The following SLC25A48 variants were observed in gnomAD, a reference collection of about 807,000 sequenced individuals.
SLC25A48 encodes the protein CTC-321K16.1.
In SLC25A48, 29 loss-of-function variants were observed where a neutral mutation model predicts 32.2. The observed-to-expected ratio is 0.90, with a 90% confidence interval of 0.67 to 1.23. SLC25A48 has a LOEUF of 1.23. SLC25A48 is among the 50% of genes most tolerant of loss of function. The probability of loss-of-function intolerance (pLI) is 0.00; values close to 1 mark genes in which losing one functional copy is unlikely to be tolerated. For synonymous variants in SLC25A48, 164 were observed against 172.3 expected, an observed-to-expected ratio of 0.95 and a Z score of 0.38; for missense variants, 399 against 422.7, an observed-to-expected ratio of 0.94 and a Z score of 0.49.
chr5:135,838,035 G>A (rs1029669351), intron 1 of SLC25A48, among the ~76,000 whole-genome samples: 7 of 152,204 alleles, frequency 4.6e-5, no homozygotes, highest in African/African-American at 1.7e-4. Flanking sequence ...TTGTTGAATG[G>A]TTTTGACCAA....
intron 7 of SLC25A48, among the ~76,000 whole-genome samples, chr5:135,885,413 C>T (rs553873138): frequency 1.3e-5 from 2 of 152,166 alleles, no homozygotes; most frequent in Non-Finnish European, 2.9e-5. Flanking sequence ...GACACTCTTA[C>T]CCCCAGCATC....
Position 135,834,690 on chromosome 5 carries a change from C to A in SLC25A48, c.-158C>A. ...TTGGAGAGGTGAGCGCGGCAGCCCGCGCAGCCGGTGACTGGGGGACTGGGT... is the reference window on the plus strand; with the variant it reads ...TTGGAGAGGTGAGCGCGGCAGCCCGAGCAGCCGGTGACTGGGGGACTGGGT... On this transcript the variant is annotated 5_prime_UTR_variant, in exon 1 of 8. Coordinates refer to ENST00000681962, the MANE Select transcript of SLC25A48 (RefSeq NM_001349336.2). The A allele has an allele frequency of 1.3e-6, 1 of 785,906 alleles. No individual in the cohort carries two copies. Among genetic ancestry groups the A allele is most frequent in the Non-Finnish European group, 2.0e-6 (1 of 504,894 alleles). The allele number at this position is 785,906 out of a possible 1,614,324, so 48.7% of individuals were successfully genotyped here.
intron 2 of SLC25A48, among the ~76,000 whole-genome samples, chr5:135,844,719 C>T (rs1759274062): frequency 6.6e-6 from 1 of 152,208 alleles, no homozygotes; most frequent in Non-Finnish European, 1.5e-5. Context: ...CATCATGTGA[C>T]AATGTCCAGC....
At chr5:135,665,475 A>G (rs1161754494) in intron 3 of SLC25A48, among the ~76,000 whole-genome samples, 2 of 150,972 alleles carry the variant, frequency 1.3e-5, no homozygotes, top group African/African-American at 4.9e-5. Context: ...TATTTTTTGC[A>G]TTTGCTTTGG....
Position 135,600,751 on chromosome 5 carries a change from C to A in SLC25A48, c.-849+21154C>A, listed in dbSNP as rs865816479. On this transcript the variant is annotated intron_variant, in intron 1 of 10. Coordinates refer to the SLC25A48 transcript ENST00000646290. ...AGGCTGGAGTGCAGTGGTGCAATCT[C>A]GGCTCACTGCAACCTCCATCTGCTG... Among the ~76,000 whole-genome samples the A allele has an allele frequency of 2.0e-5, 3 of 151,972 alleles. No individual in the cohort carries two copies. The East Asian group carries it at 5.8e-4, about 29-fold the overall frequency.
chr5:135,784,936 A>G (rs1756798247), intron 3 of SLC25A48, among the ~76,000 whole-genome samples: 1 of 79,878 alleles, frequency 1.3e-5, no homozygotes, highest in African/African-American at 3.1e-5. Context: ...ATGTGACATT[A>G]TTTCTAAAAT....
chr5:135,592,696 C>A (rs887825073), intron 1 of SLC25A48, among the ~76,000 whole-genome samples: 1 of 152,016 alleles, frequency 6.6e-6, no homozygotes, highest in Non-Finnish European at 1.5e-5. Flanking sequence ...TGAGAGAGAG[C>A]ACCACAGGTG....
intron 4 of SLC25A48, among the ~76,000 whole-genome samples, chr5:135,820,828 C>G (rs1031828205): frequency 6.6e-5 from 10 of 152,092 alleles, no homozygotes; most frequent in African/African-American, 2.4e-4. Context: ...TAAGTCTATA[C>G]AAAAGAAAAT....
At chr5:135,822,842 AG>A (rs1423522230) in intron 4 of SLC25A48, among the ~76,000 whole-genome samples, 1 of 152,054 alleles carries the variant, frequency 6.6e-6, no homozygotes, top group Non-Finnish European at 1.5e-5. Context: ...GAGGTTGGAA[AG>A]GCAAGTCTAT....
chr5:135,612,287 G>T (rs1277348201), intron 1 of SLC25A48, among the ~76,000 whole-genome samples: 1 of 152,080 alleles, frequency 6.6e-6, no homozygotes, highest in African/African-American at 2.4e-5. Flanking sequence ...ATATTTATGG[G>T]GTACATGTGA....
At chr5:135,722,602 G>A (rs890385859) in intron 3 of SLC25A48, among the ~76,000 whole-genome samples, 3 of 152,156 alleles carry the variant, frequency 2.0e-5, no homozygotes, top group African/African-American at 4.8e-5. Context: ...TAGTCTCTTC[G>A]GAGACTGTTT....
intron 1 of SLC25A48, among the ~76,000 whole-genome samples, chr5:135,614,223 G>C (rs1752136987): frequency 6.6e-6 from 1 of 152,014 alleles, no homozygotes; most frequent in African/African-American, 2.4e-5. Context: ...TTGTCTTCTT[G>C]ATTTCTTTCT....
At chr5:135,587,909 T>C (rs528493988) in intron 1 of SLC25A48, among the ~76,000 whole-genome samples, 2 of 152,276 alleles carry the variant, frequency 1.3e-5, no homozygotes, top group South Asian at 4.1e-4. Context: ...TTGTGAAACT[T>C]GTGCTGAAGG....
rs552496820 is a variant in SLC25A48, at chr5:135,759,851, A to G, written c.-520-52672A>G. Reference sequence around the variant, plus strand: ...CATCTTTTTTTTTTTTTTTTTTGAGACAGAGTCTCACTCTGTCGCCCAGCC... The same window carrying G: ...CATCTTTTTTTTTTTTTTTTTTGAGGCAGAGTCTCACTCTGTCGCCCAGCC... On this transcript the variant is annotated intron_variant, in intron 3 of 10. Transcript: ENST00000646290. Among the ~76,000 whole-genome samples, 7 of 144,990 alleles carry G rather than the reference A, an allele frequency of 4.8e-5. No individual in the cohort carries two copies. The South Asian group carries it at 1.5e-3, about 32-fold the overall frequency.
chr5:135,693,699 G>C (rs1009628693), intron 3 of SLC25A48, among the ~76,000 whole-genome samples: 1 of 152,238 alleles, frequency 6.6e-6, no homozygotes, highest in African/African-American at 2.4e-5. Context: ...ACACCAGAGT[G>C]AAACATAGCT....
chr5:135,744,635 C>T (rs964662613), intron 3 of SLC25A48, among the ~76,000 whole-genome samples: 2 of 152,044 alleles, frequency 1.3e-5, no homozygotes, highest in Non-Finnish European at 2.9e-5. Flanking sequence ...CCGCACTTGG[C>T]CTGTCTCCAT....
At chr5:135,710,680 G>A (rs981866062) in intron 3 of SLC25A48, among the ~76,000 whole-genome samples, 1 of 152,220 alleles carries the variant, frequency 6.6e-6, no homozygotes, top group Non-Finnish European at 1.5e-5. Flanking sequence ...GCATAGGAAA[G>A]GACCTGGAAG....
At chr5:135,657,673 G>A (rs185264837) in intron 3 of SLC25A48, among the ~76,000 whole-genome samples, 22 of 152,324 alleles carry the variant, frequency 1.4e-4, no homozygotes, top group African/African-American at 5.1e-4. Flanking sequence ...TGAATAAAGA[G>A]CTACTGACTG....
chr5:135,623,992 C>T (rs1561762926), intron 1 of SLC25A48, among the ~76,000 whole-genome samples: 1 of 152,180 alleles, frequency 6.6e-6, no homozygotes, highest in Admixed American at 6.5e-5. Flanking sequence ...AGAAAGGGCT[C>T]CCTGTGCTGC....
Sources: gnomAD v4.1 joint callset for allele counts (sites outside exome capture counted in the v4.1 genomes callset) on GRCh38, gnomAD v4.1.1 for gene constraint, MANE v1.5 for transcripts, NCBI Gene and HGNC (gene_info 2026-07-23, HGNC 2026-07-21) for gene names.